The following INSL6 variants were observed in gnomAD, a reference collection of about 807,000 sequenced individuals.
INSL6 encodes the protein insulin like 6.
In INSL6, 16 loss-of-function variants were observed where a neutral mutation model predicts 9.4. The ratio of observed to expected loss-of-function variants is 1.70; its 90% CI spans 1.15 to 2.59. The LOEUF is 2.59. INSL6 is among the 30% of genes most tolerant of loss of function. The probability of loss-of-function intolerance (pLI) is 0.00; values close to 1 mark genes in which losing one functional copy is unlikely to be tolerated. For synonymous variants in INSL6, 154 were observed against 96.9 expected, an observed-to-expected ratio of 1.59 and a Z score of -3.46; for missense variants, 391 against 257.3, an observed-to-expected ratio of 1.52 and a Z score of -3.56.
At chr9:5,085,769 G>A in the INSL6 span, 9 of 754,624 alleles carry the variant, frequency 1.2e-5, no homozygotes, top group Non-Finnish European at 2.2e-5. Flanking sequence ...CATGTCGGGA[G>A]TTATTATGAT....
intron 1 of INSL6, among the ~76,000 whole-genome samples, chr9:5,167,081 G>A (rs951642148): frequency 3.3e-5 from 5 of 152,224 alleles, no homozygotes; most frequent in African/African-American, 7.2e-5. Context: ...GACTGACTAG[G>A]AGGTTGGCGT....
the INSL6 span, chr9:5,085,679 A>G: frequency 4.1e-6 from 3 of 737,076 alleles, no homozygotes; most frequent in Non-Finnish European, 7.6e-6. Context: ...AACGTGCATT[A>G]TCAATAACGT....
At chr9:5,062,932 C>T in the INSL6 span, among the ~76,000 whole-genome samples, 2 of 151,830 alleles carry the variant, frequency 1.3e-5, no homozygotes, top group East Asian at 1.9e-4. Context: ...TTGTTTTATA[C>T]GTTTTATTCC....
At chr9:5,104,244 C>T in the INSL6 span, among the ~76,000 whole-genome samples, 3 of 152,238 alleles carry the variant, frequency 2.0e-5, no homozygotes, top group African/African-American at 4.8e-5. Flanking sequence ...CACCACCGAT[C>T]CCACAGAAAT....
At chr9:5,169,206 A>G (rs1002733318) in intron 1 of INSL6, among the ~76,000 whole-genome samples, 1 of 152,182 alleles carries the variant, frequency 6.6e-6, no homozygotes, top group Non-Finnish European at 1.5e-5. Context: ...GATTACAGGC[A>G]TGAGCCACTG....
At chr9:5,041,546 C>T in the INSL6 span, 11 of 533,348 alleles carry the variant, frequency 2.1e-5, no homozygotes, top group East Asian at 4.6e-4. Flanking sequence ...GCGAGAACTT[C>T]CCAGAGGAGA....
the INSL6 span, among the ~76,000 whole-genome samples, chr9:5,012,651 A>G: frequency 1.3e-5 from 2 of 152,198 alleles, no homozygotes; most frequent in African/African-American, 4.8e-5. Context: ...TAAATTAAAT[A>G]TTTAGTAAGA....
chr9:5,106,939 G>C, the INSL6 span, among the ~76,000 whole-genome samples: 2 of 152,138 alleles, frequency 1.3e-5, no homozygotes, highest in Non-Finnish European at 2.9e-5. Context: ...TAAATGACGA[G>C]TTAATGGGTG....
At chr9:5,063,732 C>A in the INSL6 span, among the ~76,000 whole-genome samples, 1 of 152,066 alleles carries the variant, frequency 6.6e-6, no homozygotes, top group Non-Finnish European at 1.5e-5. Flanking sequence ...ATATTGCATC[C>A]TCTTTGTTAC....
the INSL6 span, among the ~76,000 whole-genome samples, chr9:5,043,810 C>G: frequency 6.6e-6 from 1 of 152,164 alleles, no homozygotes; most frequent in Non-Finnish European, 1.5e-5. Flanking sequence ...GTGGATGAAC[C>G]TTGAAAACAT....
At chr9:5,173,832 T>C (rs571458840) in intron 1 of INSL6, among the ~76,000 whole-genome samples, 2 of 151,544 alleles carry the variant, frequency 1.3e-5, no homozygotes, top group Admixed American at 6.6e-5. Context: ...CAGGTCAAGA[T>C]CACAAAACCT....
At chr9:5,023,141 A>G in the INSL6 span, among the ~76,000 whole-genome samples, 1 of 152,146 alleles carries the variant, frequency 6.6e-6, no homozygotes, top group East Asian at 1.9e-4. Context: ...CCATTAACCA[A>G]CATCTCTTCA....
intron 2 of INSL6, among the ~76,000 whole-genome samples, chr9:5,144,275 G>A (rs527619385): frequency 7.0e-4 from 106 of 152,174 alleles, no homozygotes; most frequent in Non-Finnish European, 1.4e-3. Context: ...AAGCCATTCA[G>A]GAGCAGGTTA....
the INSL6 span, among the ~76,000 whole-genome samples, chr9:5,105,889 T>C: frequency 6.6e-6 from 1 of 152,228 alleles, no homozygotes; most frequent in Non-Finnish European, 1.5e-5. Context: ...GATCCCTTCC[T>C]TACACCTTAT....
chr9:5,043,609 T>C, the INSL6 span, among the ~76,000 whole-genome samples: 3 of 152,176 alleles, frequency 2.0e-5, no homozygotes, highest in Non-Finnish European at 2.9e-5. Flanking sequence ...ATATATGCAA[T>C]AGAAATGAAA....
the INSL6 span, among the ~76,000 whole-genome samples, chr9:5,115,709 C>T: frequency 6.6e-6 from 1 of 152,206 alleles, no homozygotes; most frequent in Non-Finnish European, 1.5e-5. Context: ...GACACATATA[C>T]ACCATGGAAT....
At chr9:5,122,995 T>C (rs745955192), downstream of INSL6, 96 of 1,566,352 alleles carry the variant, frequency 6.1e-5, 1 homozygote, top group Middle Eastern at 1.7e-4. Flanking sequence ...GTTATTCATA[T>C]ATTTACAGGT....
chr9:5,122,376 G>T (rs1252937648), downstream of INSL6, among the ~76,000 whole-genome samples: 1 of 151,974 alleles, frequency 6.6e-6, no homozygotes, highest in Non-Finnish European at 1.5e-5. Context: ...TGGTTAACAG[G>T]TTCTTTCTTT....
chr9:5,063,896 G>A, the INSL6 span, among the ~76,000 whole-genome samples: 1 of 152,210 alleles, frequency 6.6e-6, no homozygotes, highest in African/African-American at 2.4e-5. Context: ...GGTGACTCAC[G>A]CGTGTAATCC....
Sources: allele counts gnomAD v4.1 joint callset (sites outside exome capture counted in the v4.1 genomes callset), GRCh38; gene constraint gnomAD v4.1.1; transcripts MANE v1.5; gene names NCBI Gene and HGNC (gene_info 2026-07-23, HGNC 2026-07-21).